Variants in KATNAL1 observed in about 807,000 individuals in gnomAD.
The protein encoded by KATNAL1 is katanin p60 ATPase-containing subunit A-like 1.
A neutral mutation model predicts 55.2 loss-of-function variants in KATNAL1; 32 were observed. The ratio of observed to expected loss-of-function variants is 0.58; its 90% CI spans 0.44 to 0.78. The LOEUF is 0.78. Ranked by LOEUF, KATNAL1 falls within the 30% of genes least tolerant of loss-of-function variation. The probability of loss-of-function intolerance (pLI) is 0.00; values close to 1 mark genes in which losing one functional copy is unlikely to be tolerated. For missense variants in KATNAL1, 466 were observed against 600.9 expected (o/e 0.78, Z 2.35); for synonymous variants, 193 against 193.6 (o/e 1.00, Z 0.02).
chr13:30,280,038 AAAGAG>A lies in KATNAL1; in HGVS notation c.323+20_323+24del, dbSNP rs1308411647. On this transcript the variant is annotated intron_variant, in intron 3 of 10. Coordinates refer to ENST00000380615, the MANE Select transcript of KATNAL1 (RefSeq NM_032116.5). ...GAACATCAATTAACTAGAAGCACCT[AAAGAG>A]AATATAAAGTCCTATTTACCTGTGT... 1 of 1,588,418 alleles carries A rather than the reference AAAGAG, an allele frequency of 6.3e-7. No homozygotes were observed. Among genetic ancestry groups the A allele is most frequent in the Non-Finnish European group, 8.5e-7 (1 of 1,171,364 alleles).
At position 30,232,633 on chromosome 13, in the gene KATNAL1, T is replaced by G. The variant is rs11843619; in HGVS notation, c.727-1161A>C. Among the ~76,000 whole-genome samples, 432 of 152,306 alleles carry G rather than the reference T, an allele frequency of 2.8e-3. 4 individuals are homozygous for G. Among genetic ancestry groups the G allele is most frequent in the African/African-American group, 9.9e-3 (410 of 41,578 alleles). On this transcript the variant is annotated intron_variant, in intron 6 of 10. Coordinates refer to ENST00000380615, the MANE Select transcript of KATNAL1 (RefSeq NM_032116.5). ...TTTTCCATGCTCTCTGAGAGGGCCATCCTGTAATGCCATTAATGTGGCCAC... is the reference window on the plus strand; with the variant it reads ...TTTTCCATGCTCTCTGAGAGGGCCAGCCTGTAATGCCATTAATGTGGCCAC...
intron 6 of KATNAL1, among the ~76,000 whole-genome samples, chr13:30,234,130 C>T (rs1275579381): frequency 2.6e-5 from 4 of 152,124 alleles, no homozygotes; most frequent in Non-Finnish European, 5.9e-5. Context: ...TGGATCTTTA[C>T]AAATTATGTG....
At chr13:30,211,092 G>C (rs1303595801) in intron 9 of KATNAL1, among the ~76,000 whole-genome samples, 2 of 152,124 alleles carry the variant, frequency 1.3e-5, no homozygotes, top group South Asian at 4.1e-4. Context: ...AGTGCTTTTA[G>C]TGGCAAATCT....
Position 30,289,672 on chromosome 13 carries a change from A to C in KATNAL1, c.-14-5881T>G, listed in dbSNP as rs192606637. Reference sequence around the variant, plus strand: ...GTCATAACTCAATAATCCATGCTTCAGCATGCTTTAAAAGTATAACATTCC... The same window carrying C: ...GTCATAACTCAATAATCCATGCTTCCGCATGCTTTAAAAGTATAACATTCC... On this transcript the variant is annotated intron_variant, in intron 1 of 10. Coordinates refer to ENST00000380615, the MANE Select transcript of KATNAL1 (RefSeq NM_032116.5). 5.3e-5 allele frequency among the ~76,000 whole-genome samples: 8 copies of C among 152,344 alleles called. No individual in the cohort carries two copies. In the East Asian group the frequency reaches 1.5e-3, roughly 29 times the overall value.
At chr13:30,215,065 A>G (rs1472031662) in intron 9 of KATNAL1, among the ~76,000 whole-genome samples, 1 of 151,320 alleles carries the variant, frequency 6.6e-6, no homozygotes, top group African/African-American at 2.4e-5. Context: ...ATGAACTCAA[A>G]CAAATTTACA....
intron 4 of KATNAL1, among the ~76,000 whole-genome samples, chr13:30,250,496 T>C (rs1043817673): frequency 3.9e-5 from 6 of 152,226 alleles, no homozygotes; most frequent in African/African-American, 1.4e-4. Flanking sequence ...CAAAAAAGTA[T>C]ACAATTTGTG....
chr13:30,235,790 AG>A (rs1247189533), intron 6 of KATNAL1, among the ~76,000 whole-genome samples: 1 of 152,040 alleles, frequency 6.6e-6, no homozygotes, highest in Non-Finnish European at 1.5e-5. Context: ...TGAATAACTC[AG>A]GGGTTGGGGC....
intron 9 of KATNAL1, among the ~76,000 whole-genome samples, chr13:30,224,794 A>G (rs1054223970): frequency 2.0e-5 from 3 of 152,218 alleles, no homozygotes; most frequent in African/African-American, 7.2e-5. Context: ...AAAATGAGCC[A>G]TCACTACAGA....
chr13:30,299,434 T>A (rs553422379), intron 1 of KATNAL1, among the ~76,000 whole-genome samples: 1 of 152,266 alleles, frequency 6.6e-6, no homozygotes, highest in Non-Finnish European at 1.5e-5. Flanking sequence ...ACACTCAACA[T>A]CAATGCAGAT....
intron 3 of KATNAL1, among the ~76,000 whole-genome samples, chr13:30,276,886 A>G (rs1880884804): frequency 6.6e-6 from 1 of 152,216 alleles, no homozygotes; most frequent in African/African-American, 2.4e-5. Flanking sequence ...ATTACAAACT[A>G]TAAGCTTCAG....
At position 30,283,282 on chromosome 13, in the gene KATNAL1, AAAAAAAAAAG is replaced by A. The variant is rs1175754601; in HGVS notation, c.162+324_162+333del. On this transcript the variant is annotated intron_variant, in intron 2 of 10. Transcript: ENST00000380615. Reference sequence around the variant, plus strand: ...ACTCTGTCTCAAAAAAAAAAAAAAAAAAAAAAAAAGGAATGAATGAATGAAATACTTTATT... The same window carrying A: ...ACTCTGTCTCAAAAAAAAAAAAAAAAGAATGAATGAATGAAATACTTTATT... Among the ~76,000 whole-genome samples the A allele has an allele frequency of 4.5e-4, 67 of 150,242 alleles. 1 individual carries two copies. Among genetic ancestry groups the A allele is most frequent in the African/African-American group, 1.3e-3 (52 of 41,002 alleles).
chr13:30,240,431 A>C (rs1169398890), intron 6 of KATNAL1, 29 bp downstream of exon 6: 4 of 1,438,186 alleles, frequency 2.8e-6, no homozygotes, highest in Non-Finnish European at 3.9e-6. Flanking sequence ...TAGCATTCTT[A>C]TATCAAAACC....
chr13:30,231,224 C>CA, intron 7 of KATNAL1, 90 bp downstream of exon 7: 1 of 1,059,052 alleles, frequency 9.4e-7, no homozygotes, highest in Non-Finnish European at 1.3e-6. Flanking sequence ...CTGCCCTTTT[C>CA]AAAAAAGATT....
At chr13:30,212,778 A>G (rs1482172314) in intron 9 of KATNAL1, among the ~76,000 whole-genome samples, 2 of 152,240 alleles carry the variant, frequency 1.3e-5, no homozygotes, top group Non-Finnish European at 2.9e-5. Context: ...TGATGGATAC[A>G]TTTTGATATA....
rs1352865621 is a variant in KATNAL1, at chr13:30,205,207, C to T, written c.*3333G>A. The stretch of plus-strand genomic sequence containing the variant: ...ATTTTTCCAAAGCACAAACAGATTA[C>T]TATGCCTCTCCATCAGTGATCTAAA... On this transcript the variant is annotated 3_prime_UTR_variant, in exon 11 of 11. Coordinates refer to ENST00000380615, the MANE Select transcript of KATNAL1 (RefSeq NM_032116.5). 6.6e-6 allele frequency: 1 copy of T among 152,218 alleles called. No individual in the cohort carries two copies. The highest frequency in any genetic ancestry group is 1.5e-5 in the Non-Finnish European group (1 of 68,036). 9.4% of individuals were successfully genotyped at this position (152,218 alleles called of 1,614,324 possible).
rs1266326158 is a variant in KATNAL1 at position 30,202,707 on chromosome 13, G to A, written c.*5833C>T. 6.6e-6 allele frequency: 1 copy of A among 152,168 alleles called. No homozygotes were observed. Among genetic ancestry groups the A allele is most frequent in the Non-Finnish European group, 1.5e-5 (1 of 68,034 alleles). 9.4% of individuals were successfully genotyped at this position (152,168 alleles called of 1,614,324 possible). A position where few individuals can be genotyped will look rare whatever the true frequency, so the allele number is the denominator to read the frequency against. On this transcript the variant is annotated 3_prime_UTR_variant, in exon 11 of 11. Coordinates refer to ENST00000380615, the MANE Select transcript of KATNAL1 (RefSeq NM_032116.5). Reference sequence around the variant, plus strand: ...CAGCTAAGCTAATGAGATTAGCAAAGTAGCAGCACAAAAGGTAAGGAAAAA... The same window carrying A: ...CAGCTAAGCTAATGAGATTAGCAAAATAGCAGCACAAAAGGTAAGGAAAAA...
intron 4 of KATNAL1, among the ~76,000 whole-genome samples, chr13:30,241,766 A>G (rs1451839292): frequency 6.6e-6 from 1 of 152,190 alleles, no homozygotes; most frequent in African/African-American, 2.4e-5. Flanking sequence ...GAACAAGACA[A>G]ACTTCTCCAA....
chr13:30,236,206 T>C (rs1876665071), intron 6 of KATNAL1, among the ~76,000 whole-genome samples: 1 of 152,130 alleles, frequency 6.6e-6, no homozygotes, highest in South Asian at 2.1e-4. Context: ...CTGTGAGTCA[T>C]TCTAGAGAAT....
intron 7 of KATNAL1, 121 bp from the exon 8 acceptor site, chr13:30,230,715 C>T: frequency 2.8e-6 from 2 of 706,480 alleles, no homozygotes; most frequent in Non-Finnish European, 4.5e-6. Context: ...TTAATGCCAT[C>T]ATCTGGTTAT....
Sources: gnomAD v4.1 joint callset for allele counts (sites outside exome capture counted in the v4.1 genomes callset) on GRCh38, gnomAD v4.1.1 for gene constraint, MANE v1.5 for transcripts, NCBI Gene and HGNC (gene_info 2026-07-23, HGNC 2026-07-21) for gene names.